ARHGAP5: variants seen among roughly 807,000 people sequenced by gnomAD.
ARHGAP5 encodes rho GTPase-activating protein 5.
Under a neutral mutation model 116.6 loss-of-function variants are expected in ARHGAP5, and 23 were observed. That is an observed-to-expected ratio of 0.20 (90% CI 0.14 to 0.28). The LOEUF (loss-of-function observed/expected upper bound fraction) is 0.28, where lower values mean the gene tolerates loss of function less well. Among genes scored for constraint, ARHGAP5 ranks in the 10% least tolerant of loss-of-function variants. ARHGAP5 has a pLI of 1.00. For missense variants in ARHGAP5, 1,405 were observed against 1,774.8 expected (o/e 0.79, Z 3.74); for synonymous variants, 574 against 602.0 (o/e 0.95, Z 0.68).
chr14:32,126,123 A>G (rs1880141345), intron 3 of ARHGAP5, among the ~76,000 whole-genome samples: 3 of 152,092 alleles, frequency 2.0e-5, no homozygotes, highest in Admixed American at 2.0e-4. Flanking sequence ...TTCCAGTGCA[A>G]TGTTGAATAG....
intron 3 of ARHGAP5, among the ~76,000 whole-genome samples, chr14:32,133,270 G>A (rs1880604064): frequency 6.6e-6 from 1 of 152,094 alleles, no homozygotes; most frequent in Non-Finnish European, 1.5e-5. Flanking sequence ...CTTGAGCAGT[G>A]GTTTGTAGTT....
At chr14:32,110,274 G>A (rs1215615092) in intron 2 of ARHGAP5, among the ~76,000 whole-genome samples, 1 of 150,332 alleles carries the variant, frequency 6.7e-6, no homozygotes, top group Non-Finnish European at 1.5e-5. Flanking sequence ...GGCAGGGTAA[G>A]AGGAACAGAG....
intron 5 of ARHGAP5, among the ~76,000 whole-genome samples, chr14:32,151,377 T>C (rs116591169): frequency 0.016 from 2,486 of 152,360 alleles, 57 homozygotes; most frequent in African/African-American, 0.056. Flanking sequence ...TTACTCTGTT[T>C]CATAATTGCA....
chr14:32,113,485 A>G (rs1372630222), intron 2 of ARHGAP5, among the ~76,000 whole-genome samples: 1 of 152,242 alleles, frequency 6.6e-6, no homozygotes, highest in Non-Finnish European at 1.5e-5. Context: ...TATATAAGCT[A>G]CTTAGCCTTT....
intron 3 of ARHGAP5, among the ~76,000 whole-genome samples, chr14:32,143,224 G>A (rs571234200): frequency 7.2e-4 from 106 of 147,264 alleles, no homozygotes; most frequent in African/African-American, 2.7e-3. Flanking sequence ...TGTTGTTGTT[G>A]TTGTTGTTGT....
chr14:32,083,475 TC>T (rs2041798266), intron 1 of ARHGAP5, among the ~76,000 whole-genome samples: 1 of 152,224 alleles, frequency 6.6e-6, no homozygotes, highest in African/African-American at 2.4e-5. Flanking sequence ...GAAAAAGTTT[TC>T]CAAACCCTGA....
chr14:32,137,160 A>C (rs1225329268), intron 3 of ARHGAP5, among the ~76,000 whole-genome samples: 1 of 151,314 alleles, frequency 6.6e-6, no homozygotes, highest in African/African-American at 2.4e-5. Context: ...GGCAAAATCA[A>C]GGTCATGAAG....
chr14:32,080,534 A>G (rs1453824923), intron 1 of ARHGAP5, among the ~76,000 whole-genome samples: 1 of 151,992 alleles, frequency 6.6e-6, no homozygotes, highest in African/African-American at 2.4e-5. Context: ...GTTATTCATT[A>G]GTTCAGATTA....
In ARHGAP5 at chr14:32,091,310, C is replaced by T. The variant is rs369093762; in HGVS notation, c.641C>T (p.Ala214Val). 1.4e-5 allele frequency: 23 copies of T among 1,613,390 alleles called. No individual in the cohort carries two copies. Among genetic ancestry groups the T allele is most frequent in the Non-Finnish European group, 1.9e-5 (23 of 1,179,654 alleles). Reference sequence around the variant, plus strand: ...GATCATTATCTTAGAGAAGTTCAGGCATTTGCTTCAAATAAAAAGAACCTT... The same window carrying T: ...GATCATTATCTTAGAGAAGTTCAGGTATTTGCTTCAAATAAAAAGAACCTT... The part of the protein sequence containing the change: ...CVDHYLREVQ[A>V]FASNKKNLLV... The change falls in exon 2 of 7, where the codon GCA becomes GTA. Residue 214 changes from alanine (A) to valine (V), a missense_variant. By Grantham distance (64) the Ala-to-Val change is moderately conservative. Transcript: ENST00000345122.
intron 3 of ARHGAP5, among the ~76,000 whole-genome samples, chr14:32,138,760 GT>G (rs1196437150): frequency 3.3e-5 from 5 of 152,150 alleles, no homozygotes; most frequent in Non-Finnish European, 7.4e-5. Context: ...AGACATACTC[GT>G]TTTGTTCTTG....
intron 2 of ARHGAP5, among the ~76,000 whole-genome samples, chr14:32,115,509 C>CA (rs1415007361): frequency 4.0e-5 from 6 of 150,476 alleles, no homozygotes; most frequent in Non-Finnish European, 7.4e-5. Context: ...TAAAAAAATA[C>CA]AAAAAAATTA....
At chr14:32,079,850 A>C (rs577782638) in intron 1 of ARHGAP5, among the ~76,000 whole-genome samples, 181 of 152,288 alleles carry the variant, frequency 1.2e-3, no homozygotes, top group Middle Eastern at 0.01. Flanking sequence ...TGTATGGTCC[A>C]CAGTTTTTTC....
chr14:32,152,631 C>A, intron 6 of ARHGAP5, 103 bp downstream of exon 6: 1 of 577,888 alleles, frequency 1.7e-6, no homozygotes, highest in Non-Finnish European at 3.0e-6. Flanking sequence ...AAAGGGGACT[C>A]AGACTAAACA....
At chr14:32,106,593 G>C (rs1489906833) in intron 2 of ARHGAP5, among the ~76,000 whole-genome samples, 1 of 152,112 alleles carries the variant, frequency 6.6e-6, no homozygotes, top group African/African-American at 2.4e-5. Flanking sequence ...AAATAGAAGT[G>C]CCTGATCCCT....
rs555619533 is a variant in ARHGAP5, at chr14:32,158,431, G to C, written c.*3483G>C. ...TTGAGCTGTGGCTAGACATTCTTTA[G>C]AGCCACTGGAAATATTTTGAAAACT... On this transcript the variant is annotated 3_prime_UTR_variant, in exon 7 of 7. Coordinates refer to ENST00000345122, the MANE Select transcript of ARHGAP5 (RefSeq NM_001030055.2). 8.4e-4 allele frequency: 127 copies of C among 151,996 alleles called. No homozygotes were observed. Among genetic ancestry groups the C allele is most frequent in the African/African-American group, 2.6e-3 (110 of 41,536 alleles). The allele number at this position is 151,996 out of a possible 1,614,324, so 9.4% of individuals were successfully genotyped here.
chr14:32,148,589 A>G (rs1404344399), intron 4 of ARHGAP5, among the ~76,000 whole-genome samples: 1 of 152,236 alleles, frequency 6.6e-6, no homozygotes, highest in African/African-American at 2.4e-5. Context: ...TCATTTTCAT[A>G]TTATTGTAAT....
chr14:32,152,369 A>G, intron 5 of ARHGAP5, 54 bp from the exon 6 acceptor site: 1 of 1,220,094 alleles, frequency 8.2e-7, no homozygotes. Context: ...GCTTTATCAA[A>G]TATTTTTAAA....
chr14:32,087,179 GA>G (rs112930062), intron 1 of ARHGAP5, among the ~76,000 whole-genome samples: 2 of 150,752 alleles, frequency 1.3e-5, no homozygotes, highest in South Asian at 2.1e-4. Flanking sequence ...GTGGGAGCAT[GA>G]AAAAAAACAA....
chr14:32,125,484 T>C (rs1054382070), intron 3 of ARHGAP5, among the ~76,000 whole-genome samples: 1 of 152,228 alleles, frequency 6.6e-6, no homozygotes, highest in Non-Finnish European at 1.5e-5. Flanking sequence ...TTTTCAATTA[T>C]TTTGGGTACC....
Sources: allele counts gnomAD v4.1 joint callset (sites outside exome capture counted in the v4.1 genomes callset), GRCh38; gene constraint gnomAD v4.1.1; transcripts MANE v1.5; gene names NCBI Gene and HGNC (gene_info 2026-07-23, HGNC 2026-07-21).